Variants in NRXN1 observed in about 807,000 individuals in gnomAD.
The protein encoded by NRXN1 is neurexin-1.
A neutral mutation model predicts 150.9 loss-of-function variants in NRXN1; 39 were observed. That is an observed-to-expected ratio of 0.26 (90% CI 0.20 to 0.34). The LOEUF is 0.34. NRXN1 is among the 10% of genes least tolerant of loss of function. NRXN1 has a pLI of 1.00. For missense variants in NRXN1, 1,815 were observed against 1,949.9 expected, an observed-to-expected ratio of 0.93 and a Z score of 1.30; for synonymous variants, 924 against 757.0, an observed-to-expected ratio of 1.22 and a Z score of -3.62.
chr2:50,802,011 C>T (rs928038417), intron 5 of NRXN1, among the ~76,000 whole-genome samples: 1 of 152,086 alleles, frequency 6.6e-6, no homozygotes, highest in East Asian at 1.9e-4. Context: ...AAATTGTCCT[C>T]TTTGAGATTT....
At chr2:50,467,687 C>A (rs1445102652) in intron 16 of NRXN1, among the ~76,000 whole-genome samples, 1 of 150,726 alleles carries the variant, frequency 6.6e-6, no homozygotes, top group Non-Finnish European at 1.5e-5. Flanking sequence ...ATAATTGTAA[C>A]AATAATTAAA....
intron 17 of NRXN1, among the ~76,000 whole-genome samples, chr2:50,287,088 C>T (rs1517828): frequency 0.2 from 30,316 of 151,964 alleles, 3,282 homozygotes; most frequent in East Asian, 0.36. Context: ...TACTTCCCTA[C>T]ATGACTTAAC....
chr2:50,757,840 G>A (rs2105364141), intron 5 of NRXN1: 1 of 151,168 alleles, frequency 6.6e-6, no homozygotes, highest in African/African-American at 2.4e-5. Context: ...CAAGACATAA[G>A]TTATTCTCAA....
intron 19 of NRXN1, among the ~76,000 whole-genome samples, chr2:50,067,924 T>C (rs918343724): frequency 1.3e-5 from 2 of 152,318 alleles, no homozygotes; most frequent in South Asian, 2.1e-4. Context: ...GAAAATTATG[T>C]GGTTCAGCTG....
At chr2:50,271,291 A>AT (rs1328354186) in intron 17 of NRXN1, among the ~76,000 whole-genome samples, 2 of 152,196 alleles carry the variant, frequency 1.3e-5, no homozygotes, top group African/African-American at 4.8e-5. Context: ...AGAATGTTGT[A>AT]TTTTGTCTAC....
intron 17 of NRXN1, among the ~76,000 whole-genome samples, chr2:50,454,775 T>C (rs2087370545): frequency 6.7e-6 from 1 of 149,758 alleles, no homozygotes; most frequent in South Asian, 2.1e-4. Context: ...TTATGAGAAA[T>C]AATACCAAAA....
chr2:50,680,191 T>G (rs1003079275), intron 5 of NRXN1, among the ~76,000 whole-genome samples: 1 of 152,074 alleles, frequency 6.6e-6, no homozygotes, highest in Admixed American at 6.6e-5. Flanking sequence ...TCTATTACTT[T>G]TTTTAAATAT....
At chr2:50,573,149 T>A (rs1414355350) in intron 8 of NRXN1, among the ~76,000 whole-genome samples, 5 of 152,054 alleles carry the variant, frequency 3.3e-5, no homozygotes, top group Admixed American at 6.6e-5. Flanking sequence ...GCAGGAGGAT[T>A]GCTTGAGCTC....
intron 5 of NRXN1, among the ~76,000 whole-genome samples, chr2:50,626,474 C>T (rs1441814965): frequency 2.6e-5 from 4 of 151,800 alleles, no homozygotes; most frequent in African/African-American, 9.7e-5. Context: ...TATTCTTAAG[C>T]ATATATGAAA....
intron 5 of NRXN1, among the ~76,000 whole-genome samples, chr2:50,823,995 A>G (rs1670091104): frequency 6.6e-6 from 1 of 152,184 alleles, no homozygotes; most frequent in Non-Finnish European, 1.5e-5. Context: ...AATGCCTCAC[A>G]CACACAATGA....
chr2:50,705,747 C>A (rs1694342143), intron 5 of NRXN1, among the ~76,000 whole-genome samples: 1 of 152,234 alleles, frequency 6.6e-6, no homozygotes, highest in South Asian at 2.1e-4. Context: ...AAGTGAAATG[C>A]TGTTGCTGCC....
chr2:50,534,941 C>T (rs1165431659), intron 10 of NRXN1, among the ~76,000 whole-genome samples: 1 of 152,148 alleles, frequency 6.6e-6, no homozygotes, highest in Non-Finnish European at 1.5e-5. Context: ...AATCATTAGC[C>T]TTTAACATTC....
intron 21 of NRXN1, among the ~76,000 whole-genome samples, chr2:49,985,345 A>T (rs1469272023): frequency 6.6e-6 from 1 of 152,172 alleles, no homozygotes; most frequent in Non-Finnish European, 1.5e-5. Flanking sequence ...CCGTGGAAGA[A>T]ATTAGTGTTC....
intron 17 of NRXN1, among the ~76,000 whole-genome samples, chr2:50,424,407 A>G (rs990654489): frequency 6.6e-6 from 1 of 151,692 alleles, no homozygotes; most frequent in African/African-American, 2.4e-5. Flanking sequence ...TGCAAATCAG[A>G]GAGACGGTAC....
At chr2:50,660,281 A>C (rs1261975387) in intron 5 of NRXN1, among the ~76,000 whole-genome samples, 1 of 152,046 alleles carries the variant, frequency 6.6e-6, no homozygotes, top group Non-Finnish European at 1.5e-5. Flanking sequence ...AGAGGTAATA[A>C]ATTGCAAGGT....
chr2:50,682,216 T>C (rs1690510304), intron 5 of NRXN1, among the ~76,000 whole-genome samples: 1 of 152,318 alleles, frequency 6.6e-6, no homozygotes, highest in Admixed American at 6.5e-5. Flanking sequence ...ACTATGTAGA[T>C]GCCCCAGCAA....
chr2:50,089,715 A>T (rs1699293056), intron 19 of NRXN1, among the ~76,000 whole-genome samples: 1 of 152,030 alleles, frequency 6.6e-6, no homozygotes, highest in South Asian at 2.1e-4. Flanking sequence ...CTGTGAGCCC[A>T]GGAGTTTGAG....
chr2:50,735,834 A>AACCTAT lies in NRXN1; in HGVS notation c.833-112225_833-112220dup, dbSNP rs571769727. On this transcript the variant is annotated intron_variant, in intron 5 of 22. Coordinates refer to ENST00000401669, the MANE Select transcript of NRXN1 (RefSeq NM_001330078.2). Reference sequence around the variant, plus strand: ...GATAGCTCCCTCTGCTTCATTCTATAACCTATACATCTGCCGTACTGCCAA... The same window carrying AACCTAT: ...GATAGCTCCCTCTGCTTCATTCTATAACCTATACCTATACATCTGCCGTACTGCCAA... 1.4e-3 allele frequency among the ~76,000 whole-genome samples: 210 copies of AACCTAT among 152,220 alleles called. 2 individuals carry two copies. Among genetic ancestry groups the AACCTAT allele is most frequent in the South Asian group, 5.2e-3 (25 of 4,814 alleles).
chr2:50,027,148 T>C (rs1573487623), intron 21 of NRXN1, among the ~76,000 whole-genome samples: 1 of 151,942 alleles, frequency 6.6e-6, no homozygotes, highest in African/African-American at 2.4e-5. Context: ...TCCCAAAGTG[T>C]TGGGATTACA....
Sources: gnomAD v4.1 joint callset for allele counts (sites outside exome capture counted in the v4.1 genomes callset) on GRCh38, gnomAD v4.1.1 for gene constraint, MANE v1.5 for transcripts, NCBI Gene and HGNC (gene_info 2026-07-23, HGNC 2026-07-21) for gene names.